Variants in SLC4A9 observed in about 807,000 individuals in gnomAD.
The protein encoded by SLC4A9 is anion exchange protein 4.
A neutral mutation model predicts 103.2 loss-of-function variants in SLC4A9; 102 were observed. That is an observed-to-expected ratio of 0.99 (90% CI 0.84 to 1.17). The LOEUF is 1.17. SLC4A9 is among the 50% of genes most tolerant of loss of function. SLC4A9 has a pLI of 0.00. For missense variants in SLC4A9, 1,091 were observed against 1,193.7 expected (o/e 0.91, Z 1.27); for synonymous variants, 453 against 483.6 (o/e 0.94, Z 0.83).
rs1395545548 is a variant in SLC4A9 at position 140,360,866 on chromosome 5, C to T, written c.285C>T (p.Pro95=). ...TGGCTGCAGGCCGGTGGAGTGCCCC[C>T]CACGTGCCCACCCTGGCACTGCCCA... The part of the protein sequence containing the change: ...LEVAAGRWSA[P]HVPTLALPSL... Residue 95 remains proline (P), a synonymous_variant, in exon 2 of 22, where the codon CCC becomes CCT. Coordinates refer to ENST00000506757, the MANE Select transcript of SLC4A9 (RefSeq NM_031467.3). 2 of 1,612,602 alleles carry T rather than the reference C, an allele frequency of 1.2e-6. No homozygotes were observed. The highest frequency in any genetic ancestry group is 2.7e-5 in the African/African-American group (2 of 74,884).
chr5:140,360,365 A>G lies in SLC4A9; in HGVS notation c.129A>G (p.Thr43=), dbSNP rs557139080. The G allele has an allele frequency of 5.6e-6, 9 of 1,610,082 alleles. No individual in the cohort carries two copies. The South Asian group carries it at 7.8e-5, about 14-fold the overall frequency. Residue 43 remains threonine (T), a synonymous_variant, in exon 1 of 22, where the codon ACA becomes ACG. Transcript: ENST00000506757. ...TGPSPDGPSD[T]ESKELGVPKD... ...CCAGCCCTGATGGCCCCTCAGACAC[A>G]GAGAGCAAGGAACTGGGAGTACCCA...
chr5:140,366,744 G>A (rs953819896), intron 14 of SLC4A9, among the ~76,000 whole-genome samples: 13 of 152,264 alleles, frequency 8.5e-5, no homozygotes, highest in South Asian at 4.1e-4. Context: ...TTATTGTTAC[G>A]GGATTGCCCC....
Position 140,363,668 on chromosome 5 carries a change from T to C in SLC4A9, c.1080-60T>C. ...GGGGCTCACCCGGTCACAGGGAAAG[T>C]AGCGGGGATGCGGGTGTGGAGTGTG... On this transcript the variant is annotated intron_variant, in intron 8 of 21. Transcript: ENST00000506757. This position sits in a 1 kb window ranked among gnomAD's most constrained non-coding sequence, Gnocchi z 4.5. 1.3e-6 allele frequency: 2 copies of C among 1,598,996 alleles called. No individual in the cohort carries two copies. The highest frequency in any genetic ancestry group is 2.2e-5 in the South Asian group (2 of 89,046).
In SLC4A9 at chr5:140,371,524, C is replaced by T. The variant is rs753802148; in HGVS notation, c.2570C>T (p.Pro857Leu). 5 of 1,613,942 alleles carry T rather than the reference C, an allele frequency of 3.1e-6. No homozygotes were observed. Among genetic ancestry groups the T allele is most frequent in the Admixed American group, 1.7e-5 (1 of 60,006 alleles). ...GACCTGCTACTCTTGCGGCATGTGC[C>T]TCTGACCAGGGTCCACCTCTTCACA... ...QPDLLLLRHV[P>L]LTRVHLFTAI... The change falls in exon 19 of 22, where the codon CCT becomes CTT. Residue 857 changes from proline (P) to leucine (L), a missense_variant. Transcript: ENST00000506757.
chr5:140,364,336 C>T, intron 10 of SLC4A9, 27 bp from the exon 11 acceptor site: 2 of 1,610,868 alleles, frequency 1.2e-6, no homozygotes, highest in Non-Finnish European at 1.7e-6. Context: ...CCTGCTAAGC[C>T]AGCCTTCCTG....
In SLC4A9 at chr5:140,362,937, C is replaced by T; in HGVS notation, c.833C>T (p.Ala278Val). The T allele has an allele frequency of 6.2e-7, 1 of 1,613,926 alleles. No individual in the cohort carries two copies. The highest frequency in any genetic ancestry group is 1.7e-5 in the Admixed American group (1 of 60,000). The change falls in exon 7 of 22, where the codon GCC becomes GTC. Residue 278 changes from alanine to valine, a missense_variant. Transcript: ENST00000506757. ...DPQFQWSVRR[A>V]SNLHDLLAAL... ...CAATTCCAGTGGTCAGTTCGTCGGG[C>T]CAGCAACCTTCATGACCTTCTGGCA...
At position 140,367,580 on chromosome 5, in the gene SLC4A9, A is replaced by AGGTAAGGCCTGCTG; in HGVS notation, c.2175+9_2175+22dup. On this transcript the variant is annotated frameshift_variant and splice_region_variant, in exon 15 of 22. Transcript: ENST00000506757. LOFTEE classifies it high-confidence loss of function. ...CTCAACCGCATGGAATACAGACTGC[A>AGGTAAGGCCTGCTG]GGTAAGGCCTGCTGGGTAAGGCCCA... The AGGTAAGGCCTGCTG allele has an allele frequency of 6.2e-7, 1 of 1,602,746 alleles. No individual in the cohort carries two copies. Among genetic ancestry groups the AGGTAAGGCCTGCTG allele is most frequent in the Non-Finnish European group, 8.5e-7 (1 of 1,174,736 alleles).
intron 18 of SLC4A9, 125 bp from the exon 19 acceptor site, chr5:140,371,326 G>T: frequency 7.1e-7 from 1 of 1,407,508 alleles, no homozygotes. Flanking sequence ...TGTCTCTCCT[G>T]GACTCAGGGA....
chr5:140,371,170 C>A lies in SLC4A9; in HGVS notation c.2496+7C>A. The A allele has an allele frequency of 6.2e-7, 1 of 1,606,598 alleles. No homozygotes were observed. The highest frequency in any genetic ancestry group is 1.7e-5 in the Admixed American group (1 of 58,652). On this transcript the variant is annotated splice_region_variant and intron_variant, in intron 18 of 21. Transcript: ENST00000506757. ...AGCGCTCAGCAGCATTCAGGTGAGCCCATTAAAATCACCTAACAAAAGAAA... is the reference window on the plus strand; with the variant it reads ...AGCGCTCAGCAGCATTCAGGTGAGCACATTAAAATCACCTAACAAAAGAAA...
Position 140,368,673 on chromosome 5 carries a change from A to C in SLC4A9, c.2427+14A>C. On this transcript the variant is annotated intron_variant, in intron 17 of 21. Coordinates refer to ENST00000506757, the MANE Select transcript of SLC4A9 (RefSeq NM_031467.3). The stretch of plus-strand genomic sequence containing the variant: ...CCTGTGCTCAAGGTACCTTTGTTAT[A>C]CAAGCCAGGATCAGGGTCAGTGTAG... 1 of 1,610,548 alleles carries C rather than the reference A, an allele frequency of 6.2e-7. No individual in the cohort carries two copies. The highest frequency in any genetic ancestry group is 8.5e-7 in the Non-Finnish European group (1 of 1,177,418).
intron 17 of SLC4A9, among the ~76,000 whole-genome samples, chr5:140,369,078 T>C (rs1009689283): frequency 4.6e-5 from 7 of 151,872 alleles, no homozygotes; most frequent in Admixed American, 1.3e-4. Context: ...ATCCCAGCAC[T>C]TTGGGAGGCT....
At chr5:140,361,489 G>A in intron 3 of SLC4A9, 122 bp downstream of exon 3, 1 of 770,564 alleles carries the variant, frequency 1.3e-6, no homozygotes, top group Non-Finnish European at 2.1e-6. Context: ...CAGGACTCAT[G>A]AGCAAGAGGA....
chr5:140,362,307 G>T, intron 5 of SLC4A9, 133 bp downstream of exon 5: 1 of 1,239,904 alleles, frequency 8.1e-7, no homozygotes, highest in Non-Finnish European at 1.1e-6. Flanking sequence ...TGGGGAGAGA[G>T]TAGTGGTCAG....
At chr5:140,365,165 A>C (rs1329366396) in intron 11 of SLC4A9, among the ~76,000 whole-genome samples, 1 of 152,204 alleles carries the variant, frequency 6.6e-6, no homozygotes, top group African/African-American at 2.4e-5. Context: ...CAGGACTGGG[A>C]AGAAGTGGCC....
Position 140,371,528 on chromosome 5 carries a change from G to A in SLC4A9, c.2574G>A (p.Leu858=), listed in dbSNP as rs1286036876. ...TGCTACTCTTGCGGCATGTGCCTCT[G>A]ACCAGGGTCCACCTCTTCACAGCCA... ...PDLLLLRHVP[L]TRVHLFTAIQ... The change falls in exon 19 of 22, where the codon CTG becomes CTA. Residue 858 remains leucine, a synonymous_variant. Transcript: ENST00000506757. The A allele has an allele frequency of 1.2e-6, 2 of 1,613,902 alleles. No individual in the cohort carries two copies. The highest frequency in any genetic ancestry group is 2.7e-5 in the African/African-American group (2 of 74,932).
intron 12 of SLC4A9, 58 bp from the exon 13 acceptor site, chr5:140,365,776 G>A (rs1477358871): frequency 1.3e-6 from 2 of 1,558,776 alleles, no homozygotes; most frequent in Non-Finnish European, 1.7e-6. Context: ...GTTGGTCCAG[G>A]AGAGCAGGAC....
chr5:140,373,126 T>C (rs1709545183), intron 21 of SLC4A9, among the ~76,000 whole-genome samples: 1 of 152,096 alleles, frequency 6.6e-6, no homozygotes, highest in Non-Finnish European at 1.5e-5. Context: ...GGCGGTGCCC[T>C]GGCAAAAGAA....
At chr5:140,364,298 G>C in intron 10 of SLC4A9, 65 bp from the exon 11 acceptor site, 1 of 1,603,082 alleles carries the variant, frequency 6.2e-7, no homozygotes, top group Non-Finnish European at 8.5e-7. Context: ...AGGGACACCT[G>C]ACCTGGGTTT....
At chr5:140,364,897 T>C (rs1356442069) in intron 11 of SLC4A9, among the ~76,000 whole-genome samples, 1 of 152,338 alleles carries the variant, frequency 6.6e-6, no homozygotes, top group East Asian at 1.9e-4. Flanking sequence ...CAAAATTGAA[T>C]AGACTTACCC....
Sources: gnomAD v4.1 joint callset for allele counts (sites outside exome capture counted in the v4.1 genomes callset) on GRCh38, gnomAD v4.1.1 for gene constraint, Gnocchi (gnomAD v3.1) non-coding constraint, MANE v1.5 for transcripts, NCBI Gene and HGNC (gene_info 2026-07-23, HGNC 2026-07-21) for gene names.